The following MUC22 variants were observed in gnomAD, a reference collection of about 807,000 sequenced individuals.
MUC22 encodes the protein mucin 22.
Under a neutral mutation model 40.3 loss-of-function variants are expected in MUC22, and 24 were observed. That is an observed-to-expected ratio of 0.60 (90% CI 0.43 to 0.84). The LOEUF (loss-of-function observed/expected upper bound fraction) is 0.84. Ranked by LOEUF, MUC22 falls within the 40% of genes least tolerant of loss-of-function variation. The probability of loss-of-function intolerance (pLI) is 0.00; values close to 1 mark genes in which losing one functional copy is unlikely to be tolerated. For synonymous variants in MUC22, 765 were observed against 844.5 expected (o/e 0.91, Z 1.63); for missense variants, 1,926 against 2,130.7 (o/e 0.90, Z 1.89).
At chr6:31,029,820 T>A (rs1276755301) in exon 2 of MUC22, 2 of 1,533,432 alleles carry the variant, frequency 1.3e-6, no homozygotes, top group Admixed American at 2.0e-5. Flanking sequence ...CTTCAGGCTC[T>A]GAGACCAACA....
At chr6:31,025,871 C>T in exon 2 of MUC22, 2 of 1,535,454 alleles carry the variant, frequency 1.3e-6, no homozygotes, top group Non-Finnish European at 1.7e-6. Context: ...GCCTCCACTA[C>T]AGTCCCTGAG....
chr6:31,022,469 TA>T (rs756227008), intron 1 of MUC22, among the ~76,000 whole-genome samples: 3 of 151,392 alleles, frequency 2.0e-5, no homozygotes, highest in Non-Finnish European at 4.4e-5. Context: ...CATTTTTTTT[TA>T]AATGTAAAAG....
chr6:31,010,932 T>C (rs373709315), intron 1 of MUC22, among the ~76,000 whole-genome samples, 156 bp downstream of exon 1: 117 of 148,790 alleles, frequency 7.9e-4, no homozygotes, highest in African/African-American at 2.7e-3. Context: ...CAAAAGCCAG[T>C]ACTGATCCCA....
chr6:31,035,045 G>A, exon 4 of MUC22: 1 of 1,159,444 alleles, frequency 8.6e-7, no homozygotes, highest in Non-Finnish European at 1.2e-6. Flanking sequence ...GTGGGAGGGG[G>A]TCATGGAGGA....
At chr6:31,015,983 C>T (rs1486148881) in intron 1 of MUC22, among the ~76,000 whole-genome samples, 1 of 151,962 alleles carries the variant, frequency 6.6e-6, no homozygotes, top group Non-Finnish European at 1.5e-5. Context: ...ATTTCTTCTT[C>T]TGTCTTCCAA....
exon 2 of MUC22, chr6:31,025,940 C>G (rs1225649659): frequency 1.3e-6 from 2 of 1,534,820 alleles, no homozygotes; most frequent in East Asian, 2.4e-5. Flanking sequence ...ATGGCCTCCT[C>G]CATAATTTCT....
At position 31,026,194 on chromosome 6, in the gene MUC22, TCTG is replaced by T. The variant is rs1765304796; in HGVS notation, c.764_766del (p.Ser255_Glu256delinsTer). The stretch of plus-strand genomic sequence containing the variant: ...GGTGATCACGGCATCCAGCATGAGC[TCTG>T]AGACCACTGTGGCCCCCGCTGCAGG... On this transcript the variant is annotated stop_gained and inframe_deletion, in exon 2 of 4. Transcript: ENST00000561890. LOFTEE classifies it high-confidence loss of function. 2.0e-6 allele frequency: 3 copies of T among 1,521,776 alleles called. No homozygotes were observed. The highest frequency in any genetic ancestry group is 4.0e-5 in the Admixed American group (2 of 50,350). The allele number at this position is 1,521,776 out of a possible 1,614,324, so 94.3% of individuals were successfully genotyped here.
chr6:31,028,412 C>G, exon 2 of MUC22: 1 of 1,531,664 alleles, frequency 6.5e-7, no homozygotes, highest in Non-Finnish European at 8.7e-7. Flanking sequence ...GGCTCCGAGA[C>G]CACCACAGCC....
At chr6:31,025,113 C>CCTGCCTTGGCCTCCCAAAGTG (rs562478462) in intron 1 of MUC22, among the ~76,000 whole-genome samples, 21,783 of 151,682 alleles carry the variant, frequency 0.14, 1,722 homozygotes, top group African/African-American at 0.19. Context: ...AGGTGATCCG[C>CCTGCCTTGGCCTCCCAAAGTG]CTGGGATTAC....
chr6:31,025,542 C>A (rs1562599164), exon 2 of MUC22: 1 of 1,522,244 alleles, frequency 6.6e-7, no homozygotes, highest in South Asian at 1.2e-5. Context: ...GCTCCGACAC[C>A]ACCACAGCCT....
intron 3 of MUC22, 150 bp from the exon 4 acceptor site, chr6:31,034,522 C>G: frequency 1.5e-6 from 1 of 653,948 alleles, no homozygotes; most frequent in Non-Finnish European, 2.6e-6. Context: ...GAGACAGAGA[C>G]AGAGATCATA....
rs74814630 is a variant in MUC22, at chr6:31,011,096, GTT to G, written c.70+330_70+331del. ...ACTTTCCTTTGTATCTTGGATAAAAGTTTTTTTTTTTAACCGGAAAACTCTAG... is the reference window on the plus strand; with the variant it reads ...ACTTTCCTTTGTATCTTGGATAAAAGTTTTTTTTTAACCGGAAAACTCTAG... On this transcript the variant is annotated intron_variant, in intron 1 of 3. Transcript: ENST00000561890. This position sits in a 1 kb window ranked among gnomAD's most constrained non-coding sequence, Gnocchi z 4.5. Among the ~76,000 whole-genome samples, 2 of 148,994 alleles carry G rather than the reference GTT, an allele frequency of 1.3e-5. No homozygotes were observed. Among genetic ancestry groups the G allele is most frequent in the African/African-American group, 4.9e-5 (2 of 40,758 alleles).
chr6:31,028,360 G>T, exon 2 of MUC22: 1 of 1,532,778 alleles, frequency 6.5e-7, no homozygotes. Flanking sequence ...GATTACTACA[G>T]CCTCCATCAC....
At chr6:31,026,520 C>T in exon 2 of MUC22, 2 of 1,500,662 alleles carry the variant, frequency 1.3e-6, no homozygotes, top group Non-Finnish European at 1.8e-6. Flanking sequence ...CTATCACAGG[C>T]ACTGAGACCA....
At chr6:31,017,337 C>CTAGCTCAAGGT (rs1764297635) in intron 1 of MUC22, among the ~76,000 whole-genome samples, 1 of 152,150 alleles carries the variant, frequency 6.6e-6, no homozygotes, top group African/African-American at 2.4e-5. Context: ...CACTCTGTGT[C>CTAGCTCAAGGT]TAGCTCAAGG....
intron 1 of MUC22, among the ~76,000 whole-genome samples, chr6:31,022,272 C>G (rs556446303): frequency 2.0e-5 from 3 of 152,184 alleles, no homozygotes; most frequent in African/African-American, 2.4e-5. Flanking sequence ...ATTTTCCTGC[C>G]TCAGCTTCTC....
Position 31,016,958 on chromosome 6 carries a change from G to A in MUC22, c.70+6182G>A, listed in dbSNP as rs564142171. Among the ~76,000 whole-genome samples, 358 of 152,344 alleles carry A rather than the reference G, an allele frequency of 2.3e-3. 5 individuals carry two copies. The highest frequency in any genetic ancestry group is 6.0e-4 in the Non-Finnish European group (41 of 68,030). On this transcript the variant is annotated intron_variant, in intron 1 of 3. Transcript: ENST00000561890. ...ACTTAGCACCCGGGCCAGCAGCTGC[G>A]GAGGGTGCGCCAGGTTCCCCAGCAG...
chr6:31,028,861 G>C lies in MUC22; in HGVS notation c.3430G>C (p.Glu1144Gln). ...CACCACAGCCTCTACTGAAGGCTCT[G>C]AGACTACCACCACCTCTACTGAAGG... is the stretch of plus-strand genomic sequence containing the variant. The change falls in exon 2 of 4, where the codon GAG (glutamate) becomes CAG (glutamine). Residue 1144 changes from glutamate to glutamine, a missense_variant. Transcript: ENST00000561890. 2.6e-6 allele frequency: 4 copies of C among 1,532,422 alleles called. 1 individual carries two copies. The highest frequency in any genetic ancestry group is 3.5e-6 in the Non-Finnish European group (4 of 1,145,410). The allele number at this position is 1,532,422 out of a possible 1,614,324, so 94.9% of individuals were successfully genotyped here.
At chr6:31,031,941 C>T (rs1203997231) in intron 2 of MUC22, among the ~76,000 whole-genome samples, 1 of 152,166 alleles carries the variant, frequency 6.6e-6, no homozygotes, top group Non-Finnish European at 1.5e-5. Flanking sequence ...AACGTTTCCT[C>T]AAACTTCTGC....
Sources: allele counts gnomAD v4.1 joint callset (sites outside exome capture counted in the v4.1 genomes callset), GRCh38; gene constraint gnomAD v4.1.1; non-coding constraint Gnocchi (gnomAD v3.1); transcripts MANE v1.5; gene names NCBI Gene and HGNC (gene_info 2026-07-23, HGNC 2026-07-21).